The following GABRG3 variants were observed in gnomAD, a reference collection of about 807,000 sequenced individuals.
GABRG3 encodes the protein gamma-aminobutyric acid receptor subunit gamma-3.
In GABRG3, 25 loss-of-function variants were observed where a neutral mutation model predicts 48.8. That is an observed-to-expected ratio of 0.51 (90% CI 0.37 to 0.72). The LOEUF is 0.72. Ranked by LOEUF, GABRG3 falls within the 30% of genes least tolerant of loss-of-function variation. The probability of loss-of-function intolerance (pLI) is 0.00; values close to 1 mark genes in which losing one functional copy is unlikely to be tolerated. For missense variants in GABRG3, 394 were observed against 577.9 expected (o/e 0.68, Z 3.26); for synonymous variants, 227 against 217.6 (o/e 1.04, Z -0.38).
intron 3 of GABRG3, among the ~76,000 whole-genome samples, chr15:27,229,942 G>C (rs959107687): frequency 6.6e-6 from 1 of 152,012 alleles, no homozygotes; most frequent in Non-Finnish European, 1.5e-5. Flanking sequence ...GAAGAATGTT[G>C]TTGTCAGTTT....
At position 27,457,025 on chromosome 15, in the gene GABRG3, G is replaced by A. The variant is rs1889304511; in HGVS notation, c.575-23625G>A. Among the ~76,000 whole-genome samples the A allele has an allele frequency of 6.6e-6, 1 of 152,220 alleles. No individual in the cohort carries two copies. The highest frequency in any genetic ancestry group is 1.5e-5 in the Non-Finnish European group (1 of 68,044). ...TCCACCTACCACGCCGACCTCAGAA[G>A]GACCTGTGACAGCAGGGGTGTGGAA... On this transcript the variant is annotated intron_variant, in intron 5 of 9. Coordinates refer to ENST00000615808, the MANE Select transcript of GABRG3 (RefSeq NM_033223.5). This position sits in a 1 kb window ranked among gnomAD's most constrained non-coding sequence, Gnocchi z 4.4.
At chr15:27,145,618 T>TATC (rs1566946614) in intron 3 of GABRG3, among the ~76,000 whole-genome samples, 9 of 145,728 alleles carry the variant, frequency 6.2e-5, no homozygotes, top group Admixed American at 2.1e-4. Context: ...TCTATCTATC[T>TATC]ATCTATCTAT....
At chr15:27,270,926 C>T (rs1229771780) in intron 3 of GABRG3, among the ~76,000 whole-genome samples, 1 of 152,154 alleles carries the variant, frequency 6.6e-6, no homozygotes, top group Non-Finnish European at 1.5e-5. Flanking sequence ...CAGGACCAAA[C>T]ATTATAAGGG....
chr15:27,250,658 C>G (rs1890425508), intron 3 of GABRG3, among the ~76,000 whole-genome samples: 1 of 152,226 alleles, frequency 6.6e-6, no homozygotes, highest in Admixed American at 6.5e-5. Context: ...AACTCCTGAC[C>G]TCAAGTGATC....
chr15:26,979,525 T>G (rs1055395224), intron 2 of GABRG3, among the ~76,000 whole-genome samples: 2 of 152,138 alleles, frequency 1.3e-5, no homozygotes, highest in Non-Finnish European at 2.9e-5. Flanking sequence ...TCTCTATTCC[T>G]AGTATTCTGA....
chr15:27,037,412 G>A (rs1020160033), intron 3 of GABRG3, among the ~76,000 whole-genome samples: 5 of 152,292 alleles, frequency 3.3e-5, no homozygotes, highest in East Asian at 3.9e-4. Context: ...TGAGAGGGTC[G>A]ACTGGCTAAG....
chr15:27,306,000 A>G (rs1256285208), intron 3 of GABRG3, among the ~76,000 whole-genome samples: 1 of 59,022 alleles, frequency 1.7e-5, no homozygotes, highest in Non-Finnish European at 2.8e-5. Context: ...ATGTTTATAT[A>G]TAAACATATA....
intron 5 of GABRG3, among the ~76,000 whole-genome samples, chr15:27,351,423 ATGTG>A (rs1049685849): frequency 1.1e-5 from 1 of 91,734 alleles, no homozygotes; most frequent in Non-Finnish European, 2.2e-5. Flanking sequence ...GTGTGTGTGT[ATGTG>A]TGTATGGTGT....
intron 5 of GABRG3, among the ~76,000 whole-genome samples, chr15:27,450,216 C>T (rs543320639): frequency 1.3e-5 from 2 of 152,238 alleles, no homozygotes; most frequent in South Asian, 2.1e-4. Flanking sequence ...TCATTTTTTT[C>T]GTGTTTAATC....
At chr15:27,351,336 T>C (rs1189225924) in intron 5 of GABRG3, among the ~76,000 whole-genome samples, 1 of 149,952 alleles carries the variant, frequency 6.7e-6, no homozygotes, top group Non-Finnish European at 1.5e-5. Flanking sequence ...TGTGTGTGTG[T>C]ATGGTATATG....
chr15:27,445,831 A>T (rs2140636878), intron 5 of GABRG3, among the ~76,000 whole-genome samples: 1 of 152,302 alleles, frequency 6.6e-6, no homozygotes. Context: ...TGGTGAGATG[A>T]AGTAGTCCAA....
chr15:27,466,846 A>C (rs1889628334), intron 5 of GABRG3, among the ~76,000 whole-genome samples: 1 of 152,230 alleles, frequency 6.6e-6, no homozygotes, highest in Non-Finnish European at 1.5e-5. Context: ...CTGGAGACCC[A>C]TAGAGGGAGA....
chr15:27,354,980 C>T (rs112915939), intron 5 of GABRG3, among the ~76,000 whole-genome samples: 3 of 152,088 alleles, frequency 2.0e-5, no homozygotes, highest in Non-Finnish European at 4.4e-5. Context: ...TGGTTCTAAT[C>T]GGAGGATCAT....
chr15:26,999,006 T>G (rs1364385835), intron 2 of GABRG3, among the ~76,000 whole-genome samples: 1 of 152,174 alleles, frequency 6.6e-6, no homozygotes, highest in Non-Finnish European at 1.5e-5. Flanking sequence ...CTGGAATTCC[T>G]ATCCCTTGCC....
intron 5 of GABRG3, among the ~76,000 whole-genome samples, chr15:27,406,664 AAACTAAGG>A (rs1391231335): frequency 2.0e-5 from 3 of 152,194 alleles, no homozygotes; most frequent in Non-Finnish European, 2.9e-5. Context: ...AGATTGGAGG[AAACTAAGG>A]AGAGAACACA....
intron 5 of GABRG3, among the ~76,000 whole-genome samples, chr15:27,401,489 G>C (rs560958320): frequency 6.6e-6 from 1 of 152,276 alleles, no homozygotes; most frequent in African/African-American, 2.4e-5. Context: ...TTTCAATGTA[G>C]ATTCTGGATC....
At chr15:26,979,312 C>A (rs966362836) in intron 2 of GABRG3, among the ~76,000 whole-genome samples, 1 of 152,090 alleles carries the variant, frequency 6.6e-6, no homozygotes, top group South Asian at 2.1e-4. Context: ...CATTCTTGCT[C>A]TCCAATCTGA....
chr15:26,992,346 A>G (rs879727947), intron 2 of GABRG3, among the ~76,000 whole-genome samples: 1 of 152,178 alleles, frequency 6.6e-6, no homozygotes, highest in Non-Finnish European at 1.5e-5. Context: ...TTCCCATTCA[A>G]TATGATACTA....
In GABRG3 at chr15:27,447,854, G is replaced by C. The variant is rs1032811822; in HGVS notation, c.575-32796G>C. 6.6e-6 allele frequency among the ~76,000 whole-genome samples: 1 copy of C among 152,112 alleles called. No individual in the cohort carries two copies. The highest frequency in any genetic ancestry group is 1.5e-5 in the Non-Finnish European group (1 of 68,020). On this transcript the variant is annotated intron_variant, in intron 5 of 9. Transcript: ENST00000615808. The surrounding 1 kb of genome is among the most constrained non-coding windows in gnomAD (Gnocchi z 4.0). The stretch of plus-strand genomic sequence containing the variant: ...CATCACACACCAGGGCCTGTCAGGG[G>C]TAAGGGGGCTGGGGGAGAGATAGCA...
Sources: gnomAD v4.1 joint callset for allele counts (sites outside exome capture counted in the v4.1 genomes callset) on GRCh38, gnomAD v4.1.1 for gene constraint, Gnocchi (gnomAD v3.1) non-coding constraint, MANE v1.5 for transcripts, NCBI Gene and HGNC (gene_info 2026-07-23, HGNC 2026-07-21) for gene names.